The following WWOX variants were observed in gnomAD, a reference collection of about 807,000 sequenced individuals.
WWOX encodes WW domain-containing oxidoreductase.
A neutral mutation model predicts 46.2 loss-of-function variants in WWOX; 69 were observed. The observed-to-expected ratio is 1.49, with a 90% CI of 1.23 to 1.82. The LOEUF (loss-of-function observed/expected upper bound fraction) is 1.82. Ranked by LOEUF, WWOX falls within the 40% of genes most tolerant of loss-of-function variation. The probability of loss-of-function intolerance (pLI) is 0.00; values close to 1 mark genes in which losing one functional copy is unlikely to be tolerated. For missense variants in WWOX, 919 were observed against 542.6 expected, an observed-to-expected ratio of 1.69 and a Z score of -6.89; for synonymous variants, 359 against 202.6, an observed-to-expected ratio of 1.77 and a Z score of -6.56.
At chr16:78,320,074 T>G (rs183738521) in intron 5 of WWOX, among the ~76,000 whole-genome samples, 2 of 152,362 alleles carry the variant, frequency 1.3e-5, no homozygotes. Context: ...TTGTTTCTCT[T>G]TCTCCCTAAG....
intron 8 of WWOX, among the ~76,000 whole-genome samples, chr16:78,922,089 C>T (rs1009723635): frequency 4.6e-5 from 7 of 152,144 alleles, no homozygotes; most frequent in Admixed American, 2.0e-4. Context: ...AGAAACTCAC[C>T]TGAGCCTCTG....
chr16:78,909,808 T>C (rs547436509), intron 8 of WWOX, among the ~76,000 whole-genome samples: 1 of 152,192 alleles, frequency 6.6e-6, no homozygotes, highest in Non-Finnish European at 1.5e-5. Context: ...AACAGTGATA[T>C]GAGAAAAGGG....
intron 8 of WWOX, among the ~76,000 whole-genome samples, chr16:78,979,958 C>G (rs1381179578): frequency 6.6e-6 from 1 of 152,124 alleles, no homozygotes; most frequent in African/African-American, 2.4e-5. Flanking sequence ...GAAACCCCAT[C>G]TCTACTAAAA....
At chr16:78,741,635 A>T (rs1384399426) in intron 8 of WWOX, among the ~76,000 whole-genome samples, 4 of 152,162 alleles carry the variant, frequency 2.6e-5, no homozygotes, top group Non-Finnish European at 4.4e-5. Flanking sequence ...TGGGTGGATC[A>T]CTTGAGGTCA....
chr16:78,785,958 G>A (rs1294810994), intron 8 of WWOX, among the ~76,000 whole-genome samples: 6 of 152,124 alleles, frequency 3.9e-5, no homozygotes, highest in Non-Finnish European at 8.8e-5. Context: ...CCAGGCTGGA[G>A]TGCAGTGGCG....
intron 5 of WWOX, among the ~76,000 whole-genome samples, chr16:78,337,335 G>T (rs1260029590): frequency 6.6e-6 from 1 of 152,100 alleles, no homozygotes; most frequent in Admixed American, 6.5e-5. Flanking sequence ...AGTACATAAG[G>T]TCTTGTGTAC....
chr16:78,703,980 C>T (rs1837496158), intron 8 of WWOX, among the ~76,000 whole-genome samples: 1 of 152,136 alleles, frequency 6.6e-6, no homozygotes. Flanking sequence ...TTTCTCAGTG[C>T]ACAATTCAGT....
At chr16:78,531,042 T>A (rs1185615797) in intron 8 of WWOX, among the ~76,000 whole-genome samples, 3 of 152,262 alleles carry the variant, frequency 2.0e-5, no homozygotes, top group Non-Finnish European at 4.4e-5. Flanking sequence ...CTCCATTAAC[T>A]GTCCTTGTTT....
intron 8 of WWOX, among the ~76,000 whole-genome samples, chr16:78,750,710 G>A (rs569210868): frequency 6.6e-6 from 1 of 152,066 alleles, no homozygotes; most frequent in African/African-American, 2.4e-5. Context: ...TGTACGCAGT[G>A]TTGAGCTTCG....
At chr16:78,968,644 C>T (rs975623400) in intron 8 of WWOX, among the ~76,000 whole-genome samples, 2 of 152,318 alleles carry the variant, frequency 1.3e-5, no homozygotes, top group African/African-American at 4.8e-5. Flanking sequence ...AAAGCACAAG[C>T]CCCAGCTGCC....
chr16:78,587,835 G>T (rs2045253116), intron 8 of WWOX, among the ~76,000 whole-genome samples: 1 of 152,154 alleles, frequency 6.6e-6, no homozygotes, highest in South Asian at 2.1e-4. Context: ...ATGTCCCAGT[G>T]AATGCCAATT....
intron 8 of WWOX, among the ~76,000 whole-genome samples, chr16:78,467,970 C>T (rs1460360868): frequency 1.3e-5 from 2 of 152,140 alleles, no homozygotes; most frequent in African/African-American, 4.8e-5. Flanking sequence ...CATCTGTTGA[C>T]AAATGGGCAA....
At chr16:78,806,228 G>A (rs1158193208) in intron 8 of WWOX, among the ~76,000 whole-genome samples, 1 of 151,962 alleles carries the variant, frequency 6.6e-6, no homozygotes, top group Non-Finnish European at 1.5e-5. Context: ...TTTCCTCTCA[G>A]GATTTCTTTC....
chr16:78,580,842 T>A (rs1186908394), intron 8 of WWOX, among the ~76,000 whole-genome samples: 2 of 152,232 alleles, frequency 1.3e-5, no homozygotes, highest in African/African-American at 2.4e-5. Context: ...CACCTATGCC[T>A]CTTTCACCTC....
intron 5 of WWOX, among the ~76,000 whole-genome samples, chr16:78,353,887 G>A (rs527284484): frequency 2.6e-5 from 4 of 152,198 alleles, no homozygotes; most frequent in East Asian, 1.9e-4. Context: ...CAGGATTCTC[G>A]TAAAATTCCT....
intron 8 of WWOX, among the ~76,000 whole-genome samples, chr16:79,110,111 G>T (rs1319598608): frequency 6.6e-6 from 1 of 152,082 alleles, no homozygotes; most frequent in African/African-American, 2.4e-5. Flanking sequence ...TTGCACCCAG[G>T]ACCCCCATTT....
At chr16:78,849,763 G>A (rs936619008) in intron 8 of WWOX, among the ~76,000 whole-genome samples, 6 of 151,356 alleles carry the variant, frequency 4.0e-5, no homozygotes, top group African/African-American at 1.2e-4. Context: ...TGAGCCAAAG[G>A]ACCCATAAAA....
At chr16:78,736,596 T>G (rs973767573) in intron 8 of WWOX, among the ~76,000 whole-genome samples, 3 of 152,110 alleles carry the variant, frequency 2.0e-5, no homozygotes, top group Non-Finnish European at 4.4e-5. Flanking sequence ...TTTTGTTGTT[T>G]TATTTTGTTT....
intron 8 of WWOX, among the ~76,000 whole-genome samples, chr16:79,119,287 C>G (rs1022824018): frequency 6.6e-6 from 1 of 151,944 alleles, no homozygotes; most frequent in African/African-American, 2.4e-5. Flanking sequence ...AGAAACACAG[C>G]GGAAATTCAA....
Sources: allele counts gnomAD v4.1 joint callset (sites outside exome capture counted in the v4.1 genomes callset), GRCh38; gene constraint gnomAD v4.1.1; transcripts MANE v1.5; gene names NCBI Gene and HGNC (gene_info 2026-07-23, HGNC 2026-07-21).